Variants in SGCZ observed in about 807,000 individuals in gnomAD.
SGCZ encodes the protein zeta-sarcoglycan.
In SGCZ, 40 loss-of-function variants were observed where a neutral mutation model predicts 41.3. The observed-to-expected ratio is 0.97, with a 90% CI of 0.75 to 1.26. The LOEUF (loss-of-function observed/expected upper bound fraction) is 1.26, where lower values mean the gene tolerates loss of function less well. Ranked by LOEUF, SGCZ falls within the 50% of genes most tolerant of loss-of-function variation. SGCZ has a pLI of 0.00. For synonymous variants in SGCZ, 206 were observed against 137.5 expected (o/e 1.50, Z -3.49); for missense variants, 552 against 369.8 (o/e 1.49, Z -4.04).
chr8:14,927,322 G>GA (rs1465835728), intron 1 of SGCZ, among the ~76,000 whole-genome samples: 2 of 151,666 alleles, frequency 1.3e-5, no homozygotes, highest in Non-Finnish European at 2.9e-5. Flanking sequence ...TGTTAGCCAG[G>GA]ATGGTGTCGA....
intron 1 of SGCZ, among the ~76,000 whole-genome samples, chr8:14,951,956 A>G (rs930723310): frequency 4.6e-5 from 7 of 152,146 alleles, no homozygotes; most frequent in Non-Finnish European, 7.4e-5. Context: ...TGATGTGCCT[A>G]TCATAATTTA....
chr8:14,917,297 A>T (rs1037486073), intron 1 of SGCZ, among the ~76,000 whole-genome samples: 3 of 77,054 alleles, frequency 3.9e-5, no homozygotes, highest in African/African-American at 1.8e-4. Context: ...GTAACAAGTT[A>T]GCCTATTTAA....
intron 4 of SGCZ, among the ~76,000 whole-genome samples, chr8:14,235,938 C>T (rs1382213733): frequency 2.0e-5 from 3 of 152,184 alleles, no homozygotes; most frequent in South Asian, 4.1e-4. Flanking sequence ...CCGCCTTGGC[C>T]TCCCAAAGCG....
chr8:15,209,647 C>A (rs1801178633), intron 1 of SGCZ, among the ~76,000 whole-genome samples: 1 of 152,004 alleles, frequency 6.6e-6, no homozygotes, highest in African/African-American at 2.4e-5. Flanking sequence ...TTTAAAAGAT[C>A]TAATTAAATT....
chr8:14,353,603 C>A lies in SGCZ; in HGVS notation c.235-29399G>T, dbSNP rs147740661. Among the ~76,000 whole-genome samples, 9 of 152,136 alleles carry A rather than the reference C, an allele frequency of 5.9e-5. No homozygotes were observed. The East Asian group carries it at 1.7e-3, about 29-fold the overall frequency. ...GGTGAGACTTACCCTTGATGTCTTCCTTTCACTATGCTGTTTCTTCTACGT... is the reference window on the plus strand; with the variant it reads ...GGTGAGACTTACCCTTGATGTCTTCATTTCACTATGCTGTTTCTTCTACGT... On this transcript the variant is annotated intron_variant, in intron 2 of 7. Transcript: ENST00000382080.
chr8:14,093,881 TA>T (rs1801763169), intron 7 of SGCZ, among the ~76,000 whole-genome samples: 1 of 152,136 alleles, frequency 6.6e-6, no homozygotes, highest in Non-Finnish European at 1.5e-5. Flanking sequence ...AATCCATTTG[TA>T]ATGTTACATT....
chr8:15,226,150 T>G (rs917487759), intron 1 of SGCZ, among the ~76,000 whole-genome samples: 1 of 152,204 alleles, frequency 6.6e-6, no homozygotes, highest in African/African-American at 2.4e-5. Flanking sequence ...TCAAATATCT[T>G]GGCCTGTCTT....
chr8:14,749,309 C>G (rs529527240), intron 1 of SGCZ, among the ~76,000 whole-genome samples: 1 of 152,234 alleles, frequency 6.6e-6, no homozygotes, highest in Admixed American at 6.5e-5. Context: ...CTCTGTTTCC[C>G]AGAAACCGAA....
chr8:14,342,674 G>GCATT (rs1802751802), intron 2 of SGCZ, among the ~76,000 whole-genome samples: 1 of 152,136 alleles, frequency 6.6e-6, no homozygotes, highest in Non-Finnish European at 1.5e-5. Context: ...GCTATTAAAG[G>GCATT]CATTCAGTTT....
intron 5 of SGCZ, among the ~76,000 whole-genome samples, chr8:14,128,088 C>T (rs1379220997): frequency 6.6e-6 from 1 of 152,120 alleles, no homozygotes; most frequent in African/African-American, 2.4e-5. Flanking sequence ...TCAAAAATAA[C>T]AGATTCTGGC....
intron 1 of SGCZ, among the ~76,000 whole-genome samples, chr8:15,062,474 G>T (rs75969413): frequency 6.6e-6 from 1 of 152,046 alleles, no homozygotes; most frequent in Non-Finnish European, 1.5e-5. Flanking sequence ...ATGCAATAAC[G>T]ATATTTAGGA....
At chr8:15,005,215 T>C (rs1043172864) in intron 1 of SGCZ, among the ~76,000 whole-genome samples, 1 of 152,034 alleles carries the variant, frequency 6.6e-6, no homozygotes, top group Non-Finnish European at 1.5e-5. Flanking sequence ...AAAGGCATGG[T>C]ACCAAAAGGC....
chr8:14,721,468 G>C (rs182299221), intron 1 of SGCZ, among the ~76,000 whole-genome samples: 113 of 152,186 alleles, frequency 7.4e-4, no homozygotes, highest in Admixed American at 1.4e-3. Context: ...CCTTCCAGTT[G>C]CTTAGGCCAG....
At chr8:14,364,114 G>C (rs1254175341) in intron 2 of SGCZ, among the ~76,000 whole-genome samples, 1 of 152,026 alleles carries the variant, frequency 6.6e-6, no homozygotes, top group Non-Finnish European at 1.5e-5. Flanking sequence ...ATATAGTGTA[G>C]TTTATTTTGT....
At chr8:14,178,072 C>T (rs1201251786) in intron 4 of SGCZ, among the ~76,000 whole-genome samples, 1 of 150,218 alleles carries the variant, frequency 6.7e-6, no homozygotes, top group Non-Finnish European at 1.5e-5. Context: ...ACTCTCGTGC[C>T]TCAGCCTCCC....
chr8:14,371,784 T>C (rs920294380), intron 2 of SGCZ, among the ~76,000 whole-genome samples: 2 of 152,194 alleles, frequency 1.3e-5, no homozygotes, highest in African/African-American at 4.8e-5. Flanking sequence ...AAATAAAAAT[T>C]AGGAAACGTT....
intron 2 of SGCZ, among the ~76,000 whole-genome samples, chr8:14,530,770 C>G (rs1563389943): frequency 6.9e-6 from 1 of 144,492 alleles, no homozygotes; most frequent in Admixed American, 6.9e-5. Flanking sequence ...ATCCCTTTAG[C>G]CCAGAAGCTC....
chr8:14,190,002 CTTTCTTTCTTTCTTTTTTT>C (rs1805039032), intron 4 of SGCZ, among the ~76,000 whole-genome samples: 1 of 91,470 alleles, frequency 1.1e-5, no homozygotes, highest in South Asian at 4.6e-4. Context: ...TCTACTTTTT[CTTTCTTTCTTTCTTTTTTT>C]TTTTTTTTTG....
chr8:14,502,428 A>G (rs1301539194), intron 2 of SGCZ, among the ~76,000 whole-genome samples: 2 of 152,178 alleles, frequency 1.3e-5, no homozygotes, highest in Non-Finnish European at 2.9e-5. Flanking sequence ...TATATCTACA[A>G]TACAACTTCA....
Sources: gnomAD v4.1 joint callset for allele counts (sites outside exome capture counted in the v4.1 genomes callset) on GRCh38, gnomAD v4.1.1 for gene constraint, MANE v1.5 for transcripts, NCBI Gene and HGNC (gene_info 2026-07-23, HGNC 2026-07-21) for gene names.